The following ADAMTS2 variants were observed in gnomAD, a reference collection of about 807,000 sequenced individuals.
ADAMTS2 encodes A disintegrin and metalloproteinase with thrombospondin motifs 2.
ADAMTS2 carries 50 observed loss-of-function variants against 123.0 expected under a neutral mutation model. The observed-to-expected ratio is 0.41, with a 90% CI of 0.32 to 0.51. The LOEUF (loss-of-function observed/expected upper bound fraction) is 0.51, where lower values mean the gene tolerates loss of function less well. ADAMTS2 is among the 20% of genes least tolerant of loss of function. The probability of loss-of-function intolerance (pLI) is 0.35; values close to 1 mark genes in which losing one functional copy is unlikely to be tolerated. For missense variants in ADAMTS2, 1,494 were observed against 1,705.2 expected, an observed-to-expected ratio of 0.88 and a Z score of 2.18; for synonymous variants, 678 against 695.4, an observed-to-expected ratio of 0.98 and a Z score of 0.39.
At chr5:179,211,641 A>G (rs1764851834) in intron 3 of ADAMTS2, among the ~76,000 whole-genome samples, 1 of 152,232 alleles carries the variant, frequency 6.6e-6, no homozygotes, top group African/African-American at 2.4e-5. Context: ...CGAAGAGTCA[A>G]TCAATAAACA....
At chr5:179,334,272 C>T (rs571916846) in intron 2 of ADAMTS2, among the ~76,000 whole-genome samples, 1 of 152,286 alleles carries the variant, frequency 6.6e-6, no homozygotes, top group African/African-American at 2.4e-5. Flanking sequence ...CGAGGGCTTC[C>T]CATGGTGCGT....
chr5:179,205,005 G>A (rs1330029462), intron 4 of ADAMTS2, among the ~76,000 whole-genome samples: 1 of 152,228 alleles, frequency 6.6e-6, no homozygotes, highest in Non-Finnish European at 1.5e-5. Context: ...TTTCTCTGTT[G>A]TGATAAAACT....
At chr5:179,135,428 G>A (rs754235746) in intron 13 of ADAMTS2, among the ~76,000 whole-genome samples, 12 of 152,192 alleles carry the variant, frequency 7.9e-5, no homozygotes, top group Non-Finnish European at 1.6e-4. Context: ...GCCAAAGATT[G>A]AAGCCAAAGG....
rs1328973142 is a variant in ADAMTS2 at position 179,124,999 on chromosome 5, G to A, written c.2932C>T (p.Arg978Cys). ...RACSRELCPG[R>C]WRAGPWSQCS... ...TGGGACCAGGGCCCGGCTCGCCAAC[G>A]ACCAGGGCAGAGCTCGCGGCTGCAG... The change falls in exon 19 of 22, where the codon CGT (arginine) becomes TGT (cysteine). Residue 978 changes from arginine (R) to cysteine (C), a missense_variant. Physicochemically the swap from Arg to Cys is radical, Grantham distance 180 (BLOSUM62 -3). Around this residue, in one of 6 missense-constraint regions of ADAMTS2, gnomAD observed 953 missense variants for 1,124.7 expected, o/e 0.85. Transcript: ENST00000251582. 5 of 1,607,114 alleles carry A rather than the reference G, an allele frequency of 3.1e-6. No individual in the cohort carries two copies. Among genetic ancestry groups the A allele is most frequent in the Non-Finnish European group, 4.2e-6 (5 of 1,178,484 alleles).
intron 21 of ADAMTS2, among the ~76,000 whole-genome samples, chr5:179,119,004 C>T (rs570687813): frequency 5.3e-5 from 8 of 152,198 alleles, no homozygotes; most frequent in Non-Finnish European, 8.8e-5. Context: ...CTCAGACACC[C>T]ATGCCAACAT....
rs1766390296 is a variant in ADAMTS2 at position 179,267,019 on chromosome 5, T to C, written c.688+5892A>G. ...AGGGCGCCATCCCCACCTTGGGTCA[T>C]TCAAGGCTGCTGCTTCCATGGAGGC... On this transcript the variant is annotated intron_variant, in intron 3 of 21. Coordinates refer to ENST00000251582, the MANE Select transcript of ADAMTS2 (RefSeq NM_014244.5). Among the ~76,000 whole-genome samples, 4 of 152,164 alleles carry C rather than the reference T, an allele frequency of 2.6e-5. No homozygotes were observed. In the South Asian group the frequency reaches 6.2e-4, roughly 24 times the overall value.
chr5:179,195,057 C>T (rs181447067), intron 4 of ADAMTS2, among the ~76,000 whole-genome samples: 35 of 152,304 alleles, frequency 2.3e-4, no homozygotes, highest in Admixed American at 1.8e-3. Context: ...GGCCCTTGTC[C>T]GAGGAGCCTT....
rs932276997 is a variant in ADAMTS2 at position 179,234,734 on chromosome 5, A to G, written c.689-27019T>C. 6.6e-6 allele frequency among the ~76,000 whole-genome samples: 1 copy of G among 152,062 alleles called. No homozygotes were observed. Among genetic ancestry groups the G allele is most frequent in the Non-Finnish European group, 1.5e-5 (1 of 67,992 alleles). On this transcript the variant is annotated intron_variant, in intron 3 of 21. Transcript: ENST00000251582. The surrounding 1 kb of genome is among the most constrained non-coding windows in gnomAD (Gnocchi z 4.7). ...TGGCACCTTCCCCATCTCCCCGTCCATGATGAGCTCAGCCCCTCCCTCTAC... is the reference window on the plus strand; with the variant it reads ...TGGCACCTTCCCCATCTCCCCGTCCGTGATGAGCTCAGCCCCTCCCTCTAC...
intron 21 of ADAMTS2, chr5:179,120,766 A>G (rs1444046611): frequency 1.3e-5 from 2 of 152,198 alleles, no homozygotes; most frequent in African/African-American, 4.8e-5. Context: ...GCTCAGCCCA[A>G]GGAGAGAAGC....
At chr5:179,207,481 C>T in intron 4 of ADAMTS2, 32 bp downstream of exon 4, 1 of 900,518 alleles carries the variant, frequency 1.1e-6, no homozygotes, top group Non-Finnish European at 1.8e-6. Context: ...ACCCTCCCCG[C>T]CCCACCCTGC....
intron 17 of ADAMTS2, among the ~76,000 whole-genome samples, chr5:179,126,752 C>T (rs1762866706): frequency 1.3e-5 from 2 of 152,314 alleles, no homozygotes; most frequent in Non-Finnish European, 2.9e-5. Context: ...CTGGGTAAGA[C>T]CAAAGAAAGC....
At chr5:179,193,753 G>A (rs1037591245) in intron 4 of ADAMTS2, among the ~76,000 whole-genome samples, 6 of 152,236 alleles carry the variant, frequency 3.9e-5, no homozygotes, top group African/African-American at 1.4e-4. Flanking sequence ...CAGGTGGGCA[G>A]ACCCTCTCTG....
Position 179,126,100 on chromosome 5 carries a change from C to G in ADAMTS2, c.2648G>C (p.Arg883Pro). Residue 883 changes from arginine to proline, a missense_variant, in exon 18 of 22, where the codon CGG (arginine) becomes CCG (proline). By Grantham distance (103) the Arg-to-Pro change is moderately radical. This residue lies in a region of ADAMTS2 where 953 missense variants were observed against 1,124.7 expected (regional missense o/e 0.85). Coordinates refer to ENST00000251582, the MANE Select transcript of ADAMTS2 (RefSeq NM_014244.5). ...GSQFTKYGCRRRLDHKMVHRG... is the reference protein window; with the variant it reads ...GSQFTKYGCRPRLDHKMVHRG... ...GTGTACCATCTTGTGGTCCAGCCTC[C>G]GGCGGCAGCCATACTTGGTGAACTG... 6.2e-7 allele frequency: 1 copy of G among 1,613,062 alleles called. No homozygotes were observed. Among genetic ancestry groups the G allele is most frequent in the Non-Finnish European group, 8.5e-7 (1 of 1,180,008 alleles).
chr5:179,339,432 C>A (rs1300834626), intron 2 of ADAMTS2, among the ~76,000 whole-genome samples: 1 of 152,218 alleles, frequency 6.6e-6, no homozygotes, highest in East Asian at 1.9e-4. Context: ...TGGATTCAGC[C>A]AGGCCTGAAG....
chr5:179,200,882 G>A (rs999846447), intron 4 of ADAMTS2, among the ~76,000 whole-genome samples: 1 of 152,116 alleles, frequency 6.6e-6, no homozygotes, highest in African/African-American at 2.4e-5. Flanking sequence ...CAGACAAAAA[G>A]TTTATCTACT....
chr5:179,118,331 C>T lies in ADAMTS2; in HGVS notation c.3178+3330G>A, dbSNP rs938557605. ...ACGGACCACAGAGAAGAGTGATGCA[C>T]CTGAGGTAATGACTGGCGATGCCTC... On this transcript the variant is annotated intron_variant, in intron 21 of 21. Transcript: ENST00000251582. The surrounding 1 kb of genome is among the most constrained non-coding windows in gnomAD (Gnocchi z 4.5). Among the ~76,000 whole-genome samples, 1 of 152,006 alleles carries T rather than the reference C, an allele frequency of 6.6e-6. No individual in the cohort carries two copies. The highest frequency in any genetic ancestry group is 1.5e-5 in the Non-Finnish European group (1 of 68,018).
Position 179,130,981 on chromosome 5 carries a change from T to C in ADAMTS2, c.2291-883A>G, listed in dbSNP as rs561185829. On this transcript the variant is annotated intron_variant, in intron 15 of 21. Transcript: ENST00000251582. The surrounding 1 kb of genome is among the most constrained non-coding windows in gnomAD (Gnocchi z 4.3). ...TTTCTGTTCACCTGCTTCAGGCAAG[T>C]GGTACAGGTTTTTATATTTAGGGTA... Among the ~76,000 whole-genome samples the C allele has an allele frequency of 6.6e-6, 1 of 152,040 alleles. No homozygotes were observed. The highest frequency in any genetic ancestry group is 2.1e-4 in the South Asian group (1 of 4,800).
chr5:179,292,063 G>A (rs1284478035), intron 2 of ADAMTS2, among the ~76,000 whole-genome samples: 1 of 152,000 alleles, frequency 6.6e-6, no homozygotes, highest in African/African-American at 2.4e-5. Flanking sequence ...AATTTAACAC[G>A]ACCAGATGAG....
chr5:179,165,890 G>A (rs569761439), intron 5 of ADAMTS2, among the ~76,000 whole-genome samples: 26 of 152,190 alleles, frequency 1.7e-4, no homozygotes, highest in Non-Finnish European at 3.2e-4. Context: ...TGCAGGAGGA[G>A]TCCTGAGTGG....
Sources: gnomAD v4.1 joint callset for allele counts (sites outside exome capture counted in the v4.1 genomes callset) on GRCh38, gnomAD v4.1.1 for gene constraint, gnomAD v4.1.1 regional missense constraint, Gnocchi (gnomAD v3.1) non-coding constraint, MANE v1.5 for transcripts, NCBI Gene and HGNC (gene_info 2026-07-23, HGNC 2026-07-21) for gene names.